The following TFAP2A variants were observed in gnomAD, a reference collection of about 807,000 sequenced individuals.
The protein encoded by TFAP2A is transcription factor AP-2-alpha.
In TFAP2A, 7 loss-of-function variants were observed where a neutral mutation model predicts 41.5. That is an observed-to-expected ratio of 0.17 (90% confidence interval 0.10 to 0.32). The LOEUF (loss-of-function observed/expected upper bound fraction) is 0.32, where lower values mean the gene tolerates loss of function less well. Ranked by LOEUF, TFAP2A falls within the 10% of genes least tolerant of loss-of-function variation. The probability of loss-of-function intolerance (pLI) is 1.00; values close to 1 mark genes in which losing one functional copy is unlikely to be tolerated. For synonymous variants in TFAP2A, 247 were observed against 242.8 expected, an observed-to-expected ratio of 1.02 and a Z score of -0.16; for missense variants, 416 against 563.3, an observed-to-expected ratio of 0.74 and a Z score of 2.65.
In TFAP2A at chr6:10,404,737, G is replaced by A. The variant is rs1443522039; in HGVS notation, c.541C>T (p.Pro181Ser). The change falls in exon 4 of 7, where the codon CCC becomes TCC. Residue 181 changes from proline (P) to serine (S), a missense_variant and splice_region_variant. Around this residue, in one of 3 missense-constraint regions of TFAP2A, gnomAD observed 241 missense variants for 274.1 expected, o/e 0.88. Coordinates refer to ENST00000379613, the MANE Select transcript of TFAP2A (RefSeq NM_001372066.1). ...IPDQTVIKKG[P>S]VSLSKSNSNA... The stretch of plus-strand genomic sequence containing the variant: ...CTGTTGGACTTGGACAGGGACACGG[G>A]GCCTGCGGAGACAGAGGGGAGGCCG... The A allele has an allele frequency of 2.8e-5, 46 of 1,614,070 alleles. No homozygotes were observed. Among genetic ancestry groups the A allele is most frequent in the Non-Finnish European group, 3.9e-5 (46 of 1,179,900 alleles).
chr6:10,419,639 G>T, upstream of TFAP2A: 1 of 687,436 alleles, frequency 1.5e-6, no homozygotes, highest in Non-Finnish European at 2.6e-6. Context: ...CACTCCGCCA[G>T]CTGCAGTCCC....
Position 10,396,889 on chromosome 6 carries a change from T to C in TFAP2A, c.*1528A>G, listed in dbSNP as rs1007857899. The C allele has an allele frequency of 5.2e-5, 8 of 152,616 alleles. No homozygotes were observed. Among genetic ancestry groups the C allele is most frequent in the African/African-American group, 1.9e-4 (8 of 41,430 alleles). The allele number at this position is 152,616 out of a possible 1,614,324, so 9.5% of individuals were successfully genotyped here. A position where few individuals can be genotyped will look rare whatever the true frequency, so the allele number is the denominator to read the frequency against. ...CCAAGTTGAAAGTAAGTTTTTATTA[T>C]ACTTGAGGGAAACAATGGGTTCAGC... On this transcript the variant is annotated 3_prime_UTR_variant, in exon 7 of 7. Transcript: ENST00000379613.
chr6:10,412,007 T>G (rs958538637), intron 1 of TFAP2A: 65 of 1,073,434 alleles, frequency 6.1e-5, no homozygotes, highest in Non-Finnish European at 7.2e-5. Flanking sequence ...TGGGCAGCGT[T>G]CCTGGAGCCT....
At chr6:10,400,789 C>A (rs1171291489) in intron 5 of TFAP2A, 200 bp from the exon 6 acceptor site, 1 of 723,088 alleles carries the variant, frequency 1.4e-6, no homozygotes, top group Admixed American at 2.0e-5. Flanking sequence ...ATGACCACTT[C>A]TCCTAGAGGG....
In TFAP2A at chr6:10,397,794, G is replaced by C. The variant is rs978003444; in HGVS notation, c.*623C>G. 1 of 944,542 alleles carries C rather than the reference G, an allele frequency of 1.1e-6. No homozygotes were observed. The highest frequency in any genetic ancestry group is 1.8e-5 in the African/African-American group (1 of 56,282). 58.5% of individuals were successfully genotyped at this position (944,542 alleles called of 1,614,324 possible). On this transcript the variant is annotated 3_prime_UTR_variant, in exon 7 of 7. Coordinates refer to ENST00000379613, the MANE Select transcript of TFAP2A (RefSeq NM_001372066.1). ...AATCGTGTTGCCAGAGAAAGTTCAAGTTGGTCGCTTTACCTTAAAGAGGAA... is the reference window on the plus strand; with the variant it reads ...AATCGTGTTGCCAGAGAAAGTTCAACTTGGTCGCTTTACCTTAAAGAGGAA...
In TFAP2A at chr6:10,398,323, A is replaced by T; in HGVS notation, c.*94T>A. 1 of 1,586,566 alleles carries T rather than the reference A, an allele frequency of 6.3e-7. No homozygotes were observed. Among genetic ancestry groups the T allele is most frequent in the Non-Finnish European group, 8.5e-7 (1 of 1,174,128 alleles). The stretch of plus-strand genomic sequence containing the variant: ...CAGCAGCAGCAGCAGTAGCAGCAGC[A>T]GGAAGGGTTGCTGATCCCGGAGCTG... On this transcript the variant is annotated 3_prime_UTR_variant, in exon 7 of 7. Transcript: ENST00000379613. The surrounding 1 kb of genome is among the most constrained non-coding windows in gnomAD (Gnocchi z 5.3).
At chr6:10,415,433 G>T, upstream of TFAP2A, 1 of 361,948 alleles carries the variant, frequency 2.8e-6, no homozygotes, top group Non-Finnish European at 4.7e-6. Context: ...ACTCCAGCCT[G>T]CGAACTGATA....
intron 5 of TFAP2A, 22 bp from the exon 6 acceptor site, chr6:10,400,611 G>A (rs989443160): frequency 1.9e-6 from 3 of 1,612,848 alleles, no homozygotes; most frequent in East Asian, 2.2e-5. Flanking sequence ...GGAGAGGAGG[G>A]AGCCAGTGCG....
rs372082918 is a variant in TFAP2A, at chr6:10,398,621, G to A, written c.1116C>T (p.Pro372=). 3.1e-6 allele frequency: 5 copies of A among 1,614,068 alleles called. No individual in the cohort carries two copies. The highest frequency in any genetic ancestry group is 2.7e-5 in the African/African-American group (2 of 74,916). ...AGTGGGTCAAGCAGCTCTGGATGCC[G>A]GGCTCCAGGATGGGGTTGGGCCGTG... The part of the protein sequence containing the change: ...GNSRPNPILE[P]GIQSCLTHFN... Residue 372 remains proline (P), a synonymous_variant, in exon 7 of 7, where the codon CCC becomes CCT. Transcript: ENST00000379613. The surrounding 1 kb of genome is among the most constrained non-coding windows in gnomAD (Gnocchi z 5.3).
chr6:10,399,934 G>C (rs945618322), intron 6 of TFAP2A, among the ~76,000 whole-genome samples: 1 of 152,042 alleles, frequency 6.6e-6, no homozygotes, highest in African/African-American at 2.4e-5. Context: ...CTGTGTGTGT[G>C]TGTGTGTGTG....
At chr6:10,414,543 G>T (rs1253522470) in intron 1 of TFAP2A, 2 of 368,854 alleles carry the variant, frequency 5.4e-6, no homozygotes, top group African/African-American at 4.1e-5. Context: ...AGAGAGAAAA[G>T]AGTTTTCTCT....
intron 4 of TFAP2A, among the ~76,000 whole-genome samples, chr6:10,404,146 G>A (rs994081296): frequency 6.6e-6 from 1 of 152,244 alleles, no homozygotes; most frequent in Non-Finnish European, 1.5e-5. Flanking sequence ...GAGGGAAAAG[G>A]TGGCTGTACG....
intron 1 of TFAP2A, chr6:10,412,183 G>A: frequency 1.0e-6 from 1 of 987,520 alleles, no homozygotes. Flanking sequence ...GGGAGAGGGA[G>A]CGCGAGAGAC....
Position 10,397,168 on chromosome 6 carries a change from A to G in TFAP2A, c.*1249T>C, listed in dbSNP as rs1190322421. The stretch of plus-strand genomic sequence containing the variant: ...AGAACTGCTTCCAATATGGCCAGTG[A>G]AAATACAGAATACCAGGTGGTCCCA... On this transcript the variant is annotated 3_prime_UTR_variant, in exon 7 of 7. Coordinates refer to ENST00000379613, the MANE Select transcript of TFAP2A (RefSeq NM_001372066.1). 2.6e-5 allele frequency: 4 copies of G among 152,248 alleles called. No individual in the cohort carries two copies. Among genetic ancestry groups the G allele is most frequent in the Non-Finnish European group, 5.9e-5 (4 of 68,036 alleles). 9.4% of individuals were successfully genotyped at this position (152,248 alleles called of 1,614,324 possible). A position where few individuals can be genotyped will look rare whatever the true frequency, so the allele number is the denominator to read the frequency against.
chr6:10,411,995 G>T (rs1227035120), intron 1 of TFAP2A: 1 of 1,078,424 alleles, frequency 9.3e-7, no homozygotes, highest in African/African-American at 1.7e-5. Context: ...TAATAACCGC[G>T]CTGGGCAGCG....
chr6:10,419,432 T>A (rs747769835), upstream of TFAP2A: 29 of 1,599,622 alleles, frequency 1.8e-5, no homozygotes, highest in Non-Finnish European at 2.5e-5. Flanking sequence ...CAGTCCCCCA[T>A]TTTGGCAAGT....
intron 1 of TFAP2A, among the ~76,000 whole-genome samples, chr6:10,410,540 G>C (rs1757917026): frequency 6.6e-6 from 1 of 152,080 alleles, no homozygotes; most frequent in Non-Finnish European, 1.5e-5. Flanking sequence ...GTATATGGAG[G>C]GGGCACAAGA....
intron 5 of TFAP2A, 128 bp from the exon 6 acceptor site, chr6:10,400,717 T>C (rs1581258056): frequency 8.8e-7 from 1 of 1,130,052 alleles, no homozygotes; most frequent in Non-Finnish European, 1.3e-6. Flanking sequence ...CTACTTGTTT[T>C]CTCATTTCAG....
intron 1 of TFAP2A, among the ~76,000 whole-genome samples, chr6:10,413,320 C>G (rs1758085031): frequency 6.6e-6 from 1 of 152,206 alleles, no homozygotes; most frequent in African/African-American, 2.4e-5. Flanking sequence ...CTTGCCCCCA[C>G]AGGATCCCTC....
Sources: gnomAD v4.1 joint callset for allele counts (sites outside exome capture counted in the v4.1 genomes callset) on GRCh38, gnomAD v4.1.1 for gene constraint, gnomAD v4.1.1 regional missense constraint, Gnocchi (gnomAD v3.1) non-coding constraint, MANE v1.5 for transcripts, NCBI Gene and HGNC (gene_info 2026-07-23, HGNC 2026-07-21) for gene names.